The following IRGM variants were observed in gnomAD, a reference collection of about 807,000 sequenced individuals.
The protein encoded by IRGM is immunity related GTPase M, also known as immunity-related GTPase family M protein.
For synonymous variants in IRGM, 98 were observed against 80.6 expected (o/e 1.22, Z -1.16); for missense variants, 288 against 219.9 (o/e 1.31, Z -1.96).
Position 150,878,411 on chromosome 5 carries a change from A to T in IRGM, c.*78+297A>T, listed in dbSNP as rs111517961. ...TTTTACCACCATTATTGTCTTCAGG[A>T]ATAAATGACTACCCTTCTTCTCTCT... On this transcript the variant is annotated intron_variant and NMD_transcript_variant, in intron 2 of 3. Transcript: ENST00000520549. 4.0e-3 allele frequency among the ~76,000 whole-genome samples: 607 copies of T among 152,210 alleles called. 1 individual carries two copies. The highest frequency in any genetic ancestry group is 7.2e-3 in the Non-Finnish European group (493 of 68,012).
At chr5:150,859,441 T>A (rs1378336809) in intron 1 of IRGM, among the ~76,000 whole-genome samples, 8 of 152,238 alleles carry the variant, frequency 5.3e-5, no homozygotes, top group Non-Finnish European at 1.2e-4. Flanking sequence ...GCTGGCCTCA[T>A]AAAATGAGTT....
At chr5:150,880,885 G>C (rs78686350) in intron 3 of IRGM, among the ~76,000 whole-genome samples, 6 of 152,062 alleles carry the variant, frequency 3.9e-5, no homozygotes, top group Non-Finnish European at 7.4e-5. Flanking sequence ...CCAGCACTTC[G>C]GGAGGCTGAG....
At chr5:150,858,827 C>G (rs1193941474) in intron 1 of IRGM, among the ~76,000 whole-genome samples, 1 of 152,182 alleles carries the variant, frequency 6.6e-6, no homozygotes, top group Non-Finnish European at 1.5e-5. Flanking sequence ...AGATTTTGGG[C>G]TGAGATGATG....
chr5:150,863,095 G>A (rs562794534), intron 1 of IRGM, among the ~76,000 whole-genome samples: 1 of 152,316 alleles, frequency 6.6e-6, no homozygotes, highest in South Asian at 2.1e-4. Flanking sequence ...TGGCCACACT[G>A]AGAGATTCTT....
chr5:150,902,280 T>A (rs991179406), downstream of IRGM, among the ~76,000 whole-genome samples: 1 of 152,196 alleles, frequency 6.6e-6, no homozygotes, highest in African/African-American at 2.4e-5. Flanking sequence ...GCAAAAGATA[T>A]GGAGCATCAG....
intron 1 of IRGM, among the ~76,000 whole-genome samples, chr5:150,870,342 C>T (rs569073881): frequency 1.3e-5 from 2 of 152,006 alleles, no homozygotes; most frequent in African/African-American, 4.8e-5. Context: ...GGTGGAGATG[C>T]CCTTGATTTT....
chr5:150,889,456 C>T (rs1251596379), intron 3 of IRGM, among the ~76,000 whole-genome samples: 1 of 152,084 alleles, frequency 6.6e-6, no homozygotes, highest in Non-Finnish European at 1.5e-5. Context: ...GTCCCTCCCA[C>T]AACATGTGGG....
chr5:150,895,691 T>A, intron 3 of IRGM: 1 of 1,613,332 alleles, frequency 6.2e-7, no homozygotes, highest in Non-Finnish European at 8.5e-7. Context: ...GTTTTTCTCC[T>A]GTGTGAATTC....
At chr5:150,866,800 A>T (rs1179681306) in intron 1 of IRGM, among the ~76,000 whole-genome samples, 1 of 152,240 alleles carries the variant, frequency 6.6e-6, no homozygotes, top group Non-Finnish European at 1.5e-5. Flanking sequence ...ACACTGAAAT[A>T]GTCTTCAAAA....
chr5:150,859,546 C>T (rs1476528256), intron 1 of IRGM, among the ~76,000 whole-genome samples: 1 of 152,160 alleles, frequency 6.6e-6, no homozygotes, highest in Non-Finnish European at 1.5e-5. Flanking sequence ...GGCTGTGAAT[C>T]CATCTGGTCC....
chr5:150,867,192 G>A (rs891414741), intron 1 of IRGM, among the ~76,000 whole-genome samples: 13 of 152,204 alleles, frequency 8.5e-5, no homozygotes, highest in Admixed American at 7.2e-4. Context: ...TCATCTTTAT[G>A]CCTTTGTGTC....
intron 1 of IRGM, among the ~76,000 whole-genome samples, chr5:150,859,078 G>T (rs9764508): frequency 6.6e-6 from 1 of 152,056 alleles, no homozygotes; most frequent in Non-Finnish European, 1.5e-5. Context: ...ATAGGTAGCT[G>T]TTATTATTTT....
chr5:150,896,132 A>G (rs754611688), intron 3 of IRGM: 4 of 1,613,270 alleles, frequency 2.5e-6, no homozygotes, highest in Non-Finnish European at 3.4e-6. Flanking sequence ...TCTGATGTAT[A>G]ATGAGGGGTG....
intron 3 of IRGM, chr5:150,895,737 G>C (rs771726395): frequency 6.2e-7 from 1 of 1,613,582 alleles, no homozygotes; most frequent in Non-Finnish European, 8.5e-7. Flanking sequence ...CTGGCAGAAG[G>C]CTTTGCCACA....
intron 3 of IRGM, among the ~76,000 whole-genome samples, chr5:150,880,248 A>G (rs1754424766): frequency 1.3e-5 from 2 of 152,298 alleles, no homozygotes; most frequent in South Asian, 4.1e-4. Context: ...ACATATTCCT[A>G]AAGTGAGGGT....
intron 1 of IRGM, among the ~76,000 whole-genome samples, chr5:150,859,702 A>C (rs7709302): frequency 2.6e-4 from 40 of 152,260 alleles, no homozygotes; most frequent in African/African-American, 9.6e-4. Flanking sequence ...TAGATTTTCT[A>C]GTTTATTTGC....
chr5:150,856,753 A>C (rs1485782353), intron 1 of IRGM, among the ~76,000 whole-genome samples: 1 of 151,682 alleles, frequency 6.6e-6, no homozygotes, highest in East Asian at 1.9e-4. Context: ...TACAGGTGTG[A>C]GCCACTGCAT....
chr5:150,853,961 T>A (rs1479392402), intron 1 of IRGM, among the ~76,000 whole-genome samples: 1 of 152,150 alleles, frequency 6.6e-6, no homozygotes, highest in Non-Finnish European at 1.5e-5. Flanking sequence ...GCCATTTTGA[T>A]GTTTTCTCTT....
At chr5:150,898,801 T>TAA (rs979743009) in intron 3 of IRGM, among the ~76,000 whole-genome samples, 2 of 152,064 alleles carry the variant, frequency 1.3e-5, no homozygotes, top group Non-Finnish European at 2.9e-5. Flanking sequence ...GGGAGGAAGA[T>TAA]GGATTATTGG....
Sources: allele counts gnomAD v4.1 joint callset (sites outside exome capture counted in the v4.1 genomes callset), GRCh38; gene constraint gnomAD v4.1.1; transcripts MANE v1.5; gene names NCBI Gene and HGNC (gene_info 2026-07-23, HGNC 2026-07-21).